TNRC6A: variants seen among roughly 807,000 people sequenced by gnomAD.
TNRC6A encodes the protein trinucleotide repeat containing adaptor 6A.
TNRC6A carries 44 observed loss-of-function variants against 221.2 expected under a neutral mutation model. The ratio of observed to expected loss-of-function variants is 0.20; its 90% CI spans 0.16 to 0.26. The LOEUF (loss-of-function observed/expected upper bound fraction) is 0.26. TNRC6A is among the 10% of genes least tolerant of loss of function. The pLI is 1.00. For synonymous variants in TNRC6A, 847 were observed against 838.5 expected, an observed-to-expected ratio of 1.01 and a Z score of -0.18; for missense variants, 2,199 against 2,404.4, an observed-to-expected ratio of 0.91 and a Z score of 1.79.
intron 2 of TNRC6A, among the ~76,000 whole-genome samples, chr16:24,744,640 C>A (rs2056963274): frequency 6.6e-6 from 1 of 152,098 alleles, no homozygotes; most frequent in South Asian, 2.1e-4. Context: ...TTTTTGAGAT[C>A]CATACTGTCA....
At chr16:24,687,878 A>AAGAAGAAGAAGAAGAAGC (rs1567357134) in intron 2 of TNRC6A, among the ~76,000 whole-genome samples, 1 of 150,042 alleles carries the variant, frequency 6.7e-6, no homozygotes, top group Non-Finnish European at 1.5e-5. Context: ...GAAGAAGAAG[A>AAGAAGAAGAAGAAGAAGC]AGAAGCAGCT....
chr16:24,688,522 T>C (rs551926674), intron 2 of TNRC6A, among the ~76,000 whole-genome samples: 1 of 152,330 alleles, frequency 6.6e-6, no homozygotes, highest in Non-Finnish European at 1.5e-5. Context: ...GTGTCAGTGA[T>C]TGATTCAGAA....
At chr16:24,723,584 A>T (rs2056446948) in intron 2 of TNRC6A, among the ~76,000 whole-genome samples, 1 of 82,936 alleles carries the variant, frequency 1.2e-5, no homozygotes. Flanking sequence ...ACAGAGCAAG[A>T]CTCTGTCAAA....
chr16:24,822,408 G>T (rs901492307), intron 23 of TNRC6A, among the ~76,000 whole-genome samples: 2 of 152,232 alleles, frequency 1.3e-5, no homozygotes, highest in Non-Finnish European at 2.9e-5. Context: ...TAGGGGCTGG[G>T]ACTCTGCATT....
Position 24,732,291 on chromosome 16 carries a change from A to G in TNRC6A, c.53+1991A>G, listed in dbSNP as rs913850216. The stretch of plus-strand genomic sequence containing the variant: ...AAAGAATGTATCTGTCTTTACCCAT[A>G]GTGCTCTCTCCAGGAAATCAAGGCA... On this transcript the variant is annotated intron_variant, in intron 2 of 24. Coordinates refer to ENST00000395799, the MANE Select transcript of TNRC6A (RefSeq NM_014494.4). Among the ~76,000 whole-genome samples the G allele has an allele frequency of 7.2e-5, 11 of 152,346 alleles. No homozygotes were observed. The East Asian group carries it at 1.2e-3, about 16-fold the overall frequency.
At position 24,816,812 on chromosome 16, in the gene TNRC6A, C is replaced by T. The variant is rs540316300; in HGVS notation, c.4832-4C>T. ...TTGAACTAATTTTAAATTTCCGTTT[C>T]CAGAATTTCGTCCTGGTGAGCCATG... On this transcript the variant is annotated splice_polypyrimidine_tract_variant and splice_region_variant and intron_variant, in intron 19 of 24. Coordinates refer to ENST00000395799, the MANE Select transcript of TNRC6A (RefSeq NM_014494.4). 6.3e-6 allele frequency: 10 copies of T among 1,598,684 alleles called. No homozygotes were observed. The East Asian group carries it at 2.0e-4, about 32-fold the overall frequency.
upstream of TNRC6A, among the ~76,000 whole-genome samples, chr16:24,725,463 G>A (rs2056475658): frequency 6.6e-6 from 1 of 151,952 alleles, no homozygotes; most frequent in Admixed American, 6.6e-5. Context: ...TATGAAGCCT[G>A]TTTCCCTCCG....
chr16:24,620,759 G>A (rs1232659660), intron 1 of TNRC6A, among the ~76,000 whole-genome samples: 1 of 151,938 alleles, frequency 6.6e-6, no homozygotes, highest in Non-Finnish European at 1.5e-5. Flanking sequence ...AGTGAGCCGA[G>A]ATCGTGCCAT....
At chr16:24,691,066 TC>T (rs1333254913) in intron 2 of TNRC6A, among the ~76,000 whole-genome samples, 2 of 152,124 alleles carry the variant, frequency 1.3e-5, no homozygotes, top group African/African-American at 4.8e-5. Context: ...CGCCTCGGCC[TC>T]CCAAAGTGCT....
chr16:24,669,255 T>C (rs1035422570), intron 2 of TNRC6A, among the ~76,000 whole-genome samples: 5 of 152,102 alleles, frequency 3.3e-5, no homozygotes, highest in African/African-American at 1.2e-4. Context: ...TCCCAGCAGT[T>C]TGGGAGACTG....
At chr16:24,674,562 G>A (rs1043331970) in intron 2 of TNRC6A, among the ~76,000 whole-genome samples, 3 of 152,088 alleles carry the variant, frequency 2.0e-5, no homozygotes, top group Non-Finnish European at 2.9e-5. Context: ...GGTGAAAGTG[G>A]GCCATCCTTT....
chr16:24,761,850 A>G (rs913365924), intron 4 of TNRC6A, among the ~76,000 whole-genome samples: 2 of 152,154 alleles, frequency 1.3e-5, no homozygotes, highest in African/African-American at 4.8e-5. Context: ...TTTTTTGGGA[A>G]GCATGTTGAT....
chr16:24,692,956 C>A (rs2055785302), intron 2 of TNRC6A, among the ~76,000 whole-genome samples: 1 of 152,066 alleles, frequency 6.6e-6, no homozygotes, highest in Non-Finnish European at 1.5e-5. Context: ...CCGATTTGAG[C>A]CAAAGTCATA....
At chr16:24,653,783 A>T (rs1428867742) in intron 2 of TNRC6A, among the ~76,000 whole-genome samples, 1 of 152,134 alleles carries the variant, frequency 6.6e-6, no homozygotes, top group African/African-American at 2.4e-5. Context: ...TCTATCAAAA[A>T]AAAAAAAAAG....
intron 2 of TNRC6A, among the ~76,000 whole-genome samples, chr16:24,718,767 T>G (rs1348539489): frequency 6.6e-6 from 1 of 152,108 alleles, no homozygotes; most frequent in Non-Finnish European, 1.5e-5. Context: ...CTGGGTGCAG[T>G]AGCTCACACC....
intron 1 of TNRC6A, among the ~76,000 whole-genome samples, chr16:24,616,877 T>C (rs1900382258): frequency 6.6e-6 from 1 of 152,028 alleles, no homozygotes; most frequent in African/African-American, 2.4e-5. Flanking sequence ...GCCGAGATCA[T>C]GCCATTGCAC....
intron 18 of TNRC6A, 106 bp downstream of exon 18, chr16:24,809,587 A>G: frequency 3.1e-6 from 4 of 1,295,856 alleles, no homozygotes; most frequent in Non-Finnish European, 4.0e-6. Flanking sequence ...AAGCCAAATT[A>G]TCTTAGAACT....
Position 24,817,907 on chromosome 16 carries a change from G to C in TNRC6A, c.4973-686G>C, listed in dbSNP as rs575253474. 3.1e-3 allele frequency among the ~76,000 whole-genome samples: 477 copies of C among 152,256 alleles called. 1 individual carries two copies. Among genetic ancestry groups the C allele is most frequent in the Non-Finnish European group, 3.9e-3 (268 of 68,020 alleles). ...GTGGAAGAATCCGATGGCTCTGAAA[G>C]TCAGTAGAGTTTGAATTTGGTGTTA... On this transcript the variant is annotated intron_variant, in intron 20 of 24. Coordinates refer to ENST00000395799, the MANE Select transcript of TNRC6A (RefSeq NM_014494.4).
At chr16:24,700,166 G>A (rs2055941386) in intron 2 of TNRC6A, among the ~76,000 whole-genome samples, 1 of 151,988 alleles carries the variant, frequency 6.6e-6, no homozygotes, top group Non-Finnish European at 1.5e-5. Flanking sequence ...AAACTGAGAC[G>A]GGAGGATCAC....
Sources: gnomAD v4.1 joint callset for allele counts (sites outside exome capture counted in the v4.1 genomes callset) on GRCh38, gnomAD v4.1.1 for gene constraint, MANE v1.5 for transcripts, NCBI Gene and HGNC (gene_info 2026-07-23, HGNC 2026-07-21) for gene names.